The following MEIKIN variants were observed in gnomAD, a reference collection of about 807,000 sequenced individuals.
The protein encoded by MEIKIN is meiotic kinetochore factor.
chr5:131,813,192 G>T (rs1044574705), intron 12 of MEIKIN, among the ~76,000 whole-genome samples: 1 of 152,184 alleles, frequency 6.6e-6, no homozygotes, highest in Non-Finnish European at 1.5e-5. Context: ...ATGACATGAG[G>T]AGTTCTCTAC....
intron 3 of MEIKIN, among the ~76,000 whole-genome samples, chr5:131,943,297 C>T (rs2149656584): frequency 1.3e-5 from 2 of 152,126 alleles, no homozygotes. Context: ...TATACACACA[C>T]ATATATATAA....
chr5:131,888,983 CTTGT>C (rs1039988119), intron 8 of MEIKIN, among the ~76,000 whole-genome samples: 53 of 152,256 alleles, frequency 3.5e-4, no homozygotes, highest in African/African-American at 1.2e-3. Flanking sequence ...TTTCCCATTG[CTTGT>C]TTATGTCAGG....
chr5:131,891,414 A>G (rs1057451456), intron 8 of MEIKIN, among the ~76,000 whole-genome samples: 2 of 152,174 alleles, frequency 1.3e-5, no homozygotes, highest in African/African-American at 4.8e-5. Flanking sequence ...TATTGGATGC[A>G]TATATATTTA....
At chr5:131,899,922 G>A (rs1420574645) in intron 8 of MEIKIN, among the ~76,000 whole-genome samples, 1 of 152,198 alleles carries the variant, frequency 6.6e-6, no homozygotes, top group Non-Finnish European at 1.5e-5. Context: ...CAAACAGAAA[G>A]TCAACAAAGA....
intron 9 of MEIKIN, among the ~76,000 whole-genome samples, chr5:131,873,494 T>A (rs1750546240): frequency 6.6e-6 from 1 of 152,162 alleles, no homozygotes; most frequent in Admixed American, 6.5e-5. Context: ...CCCAGATTCA[T>A]AAAGCAAGTC....
At chr5:131,896,827 CTT>C (rs1162798813) in intron 8 of MEIKIN, among the ~76,000 whole-genome samples, 1 of 152,146 alleles carries the variant, frequency 6.6e-6, no homozygotes, top group Non-Finnish European at 1.5e-5. Context: ...GGTCTTGACT[CTT>C]TATCCAATTT....
At chr5:131,816,982 C>T (rs2149601952) in intron 12 of MEIKIN, among the ~76,000 whole-genome samples, 1 of 152,282 alleles carries the variant, frequency 6.6e-6, no homozygotes, top group Middle Eastern at 3.4e-3. Context: ...AAGAGACTGG[C>T]ATTTGAATCA....
chr5:131,930,567 C>T (rs781228339), intron 5 of MEIKIN, among the ~76,000 whole-genome samples: 7 of 152,150 alleles, frequency 4.6e-5, no homozygotes, highest in Non-Finnish European at 1.0e-4. Flanking sequence ...TCCTCAAGCT[C>T]ACTAATTCTT....
chr5:131,924,927 T>C (rs1751564443), intron 5 of MEIKIN, among the ~76,000 whole-genome samples: 1 of 152,216 alleles, frequency 6.6e-6, no homozygotes, highest in Non-Finnish European at 1.5e-5. Context: ...TCCCCTATGT[T>C]TTCTTCTAGG....
At chr5:131,929,857 T>C (rs887106819) in intron 5 of MEIKIN, among the ~76,000 whole-genome samples, 2 of 152,256 alleles carry the variant, frequency 1.3e-5, no homozygotes, top group Non-Finnish European at 2.9e-5. Flanking sequence ...GCAAAAGATA[T>C]GATTTCATTC....
At chr5:131,863,084 C>T (rs6596040) in intron 9 of MEIKIN, among the ~76,000 whole-genome samples, 118,842 of 151,806 alleles carry the variant, frequency 0.78, 46,762 homozygotes, top group African/African-American at 0.83. Flanking sequence ...TTTTCAAGTA[C>T]TGTATAGTTT....
At chr5:131,924,130 G>T (rs1030935991) in intron 5 of MEIKIN, among the ~76,000 whole-genome samples, 4 of 151,940 alleles carry the variant, frequency 2.6e-5, no homozygotes, top group Admixed American at 1.3e-4. Context: ...TGTCCTCAAG[G>T]TTCATCCATG....
At chr5:131,832,260 A>G (rs545405474) in intron 11 of MEIKIN, among the ~76,000 whole-genome samples, 85 of 152,332 alleles carry the variant, frequency 5.6e-4, no homozygotes, top group Non-Finnish European at 1.0e-3. Context: ...AATGGGTTAC[A>G]GGGCCCATGC....
chr5:131,864,602 T>TG (rs1370725391), intron 9 of MEIKIN, among the ~76,000 whole-genome samples: 5 of 152,350 alleles, frequency 3.3e-5, no homozygotes, highest in African/African-American at 1.2e-4. Context: ...GTTAGTCTAA[T>TG]GGGGTTTCCT....
intron 12 of MEIKIN, among the ~76,000 whole-genome samples, chr5:131,816,997 A>T (rs994109666): frequency 7.9e-5 from 12 of 152,176 alleles, no homozygotes; most frequent in African/African-American, 2.9e-4. Context: ...GAATCAGTGG[A>T]CTGAATAAAG....
intron 5 of MEIKIN, among the ~76,000 whole-genome samples, chr5:131,931,194 G>A (rs1751683976): frequency 6.6e-6 from 1 of 152,156 alleles, no homozygotes; most frequent in Non-Finnish European, 1.5e-5. Context: ...CAGCCTCCAG[G>A]CATTTACAAT....
intron 8 of MEIKIN, among the ~76,000 whole-genome samples, chr5:131,898,210 A>T (rs1203450798): frequency 6.6e-6 from 1 of 152,264 alleles, no homozygotes; most frequent in African/African-American, 2.4e-5. Context: ...CTCAGACCCT[A>T]TTTGCCTGGG....
intron 4 of MEIKIN, 113 bp downstream of exon 4, chr5:131,942,522 T>C (rs529842807): frequency 2.6e-6 from 1 of 389,534 alleles, no homozygotes; most frequent in African/African-American, 2.1e-5. Context: ...CACTTTGGAG[T>C]AGGGAAAAGA....
At chr5:131,837,368 T>C (rs769710696) in intron 11 of MEIKIN, among the ~76,000 whole-genome samples, 1 of 152,186 alleles carries the variant, frequency 6.6e-6, no homozygotes, top group Non-Finnish European at 1.5e-5. Flanking sequence ...CATACGTATT[T>C]TAAAACAGCT....
Sources: allele counts gnomAD v4.1 joint callset (sites outside exome capture counted in the v4.1 genomes callset), GRCh38; gene constraint gnomAD v4.1.1; transcripts MANE v1.5; gene names NCBI Gene and HGNC (gene_info 2026-07-23, HGNC 2026-07-21).